Variants in LXN observed in about 807,000 individuals in gnomAD.
The protein encoded by LXN is latexin.
In LXN, 28 loss-of-function variants were observed where a neutral mutation model predicts 29.8. That is an observed-to-expected ratio of 0.94 (90% CI 0.70 to 1.29). The LOEUF is 1.29. Among genes scored for constraint, LXN ranks in the 50% most tolerant of loss-of-function variants. The pLI is 0.00. For missense variants in LXN, 227 were observed against 261.7 expected (o/e 0.87, Z 0.92); for synonymous variants, 77 against 89.6 (o/e 0.86, Z 0.80).
At position 158,672,607 on chromosome 3, in the gene LXN, G is replaced by A; in HGVS notation, c.-129C>T. The A allele has an allele frequency of 9.2e-7, 1 of 1,084,590 alleles. No individual in the cohort carries two copies. Among genetic ancestry groups the A allele is most frequent in the Non-Finnish European group, 1.3e-6 (1 of 754,302 alleles). 67.2% of individuals were successfully genotyped at this position (1,084,590 alleles called of 1,614,324 possible). A position where few individuals can be genotyped will look rare whatever the true frequency, so the allele number is the denominator to read the frequency against. On this transcript the variant is annotated 5_prime_UTR_variant, in exon 1 of 6. Coordinates refer to ENST00000264265, the MANE Select transcript of LXN (RefSeq NM_020169.4). ...GAAAAGTCGCAAGCTCCTTCAGTCA[G>A]TCTTCTTCCTCAGCTCCTTCCGACT...
rs369363639 is a variant in LXN at position 158,672,510 on chromosome 3, T to C, written c.-32A>G. 4 of 1,612,294 alleles carry C rather than the reference T, an allele frequency of 2.5e-6. No individual in the cohort carries two copies. The highest frequency in any genetic ancestry group is 1.7e-5 in the Admixed American group (1 of 59,972). On this transcript the variant is annotated 5_prime_UTR_variant, in exon 1 of 6. Transcript: ENST00000264265. ...TGAGCAGTGACTTCAGGGCTTGGGC[T>C]ACTCTGGCTTAACGGGACCAGTAGC...
At chr3:158,671,319 ATAAGAAAG>A (rs1724281252) in intron 1 of LXN, among the ~76,000 whole-genome samples, 1 of 152,258 alleles carries the variant, frequency 6.6e-6, no homozygotes, top group Admixed American at 6.5e-5. Context: ...AAGTCTCTAC[ATAAGAAAG>A]TTTGAAACAG....
In LXN at chr3:158,668,221, G is replaced by A. The variant is rs552418187; in HGVS notation, c.507+775C>T. 5.9e-5 allele frequency among the ~76,000 whole-genome samples: 9 copies of A among 152,206 alleles called. No individual in the cohort carries two copies. In the East Asian group the frequency reaches 1.3e-3, roughly 23 times the overall value. On this transcript the variant is annotated intron_variant, in intron 4 of 5. Coordinates refer to ENST00000264265, the MANE Select transcript of LXN (RefSeq NM_020169.4). ...TGACATAAAACAGTGTAGTATTTGC[G>A]TATAACCTATGCATACCTTCTCATA...
chr3:158,668,702 A>G (rs1308334392), intron 4 of LXN, among the ~76,000 whole-genome samples: 1 of 152,212 alleles, frequency 6.6e-6, no homozygotes, highest in East Asian at 1.9e-4. Context: ...CTATGTTCCC[A>G]GAGCATGCAA....
At chr3:158,671,247 T>C (rs1357263025) in intron 1 of LXN, among the ~76,000 whole-genome samples, 1 of 152,222 alleles carries the variant, frequency 6.6e-6, no homozygotes, top group Middle Eastern at 3.2e-3. Context: ...AGCATACAAA[T>C]TGGGCACAAT....
At chr3:158,672,259 G>A (rs967107257) in intron 1 of LXN, 91 bp downstream of exon 1, 4 of 1,510,910 alleles carry the variant, frequency 2.6e-6, no homozygotes, top group Non-Finnish European at 3.6e-6. Context: ...GGGTGGCACG[G>A]AGTGTCTGCA....
chr3:158,669,754 A>G (rs1445383256), intron 2 of LXN, 144 bp from the exon 3 acceptor site: 2 of 738,000 alleles, frequency 2.7e-6, no homozygotes, highest in African/African-American at 3.6e-5. Context: ...GAGGTATCTA[A>G]TTGGGCCTGG....
At chr3:158,672,270 C>A (rs1724398857) in intron 1 of LXN, 80 bp downstream of exon 1, 1 of 1,572,178 alleles carries the variant, frequency 6.4e-7, no homozygotes, top group African/African-American at 1.3e-5. Context: ...AGTGTCTGCA[C>A]CCAAAGGCTG....
chr3:158,668,612 A>G (rs1560137103), intron 4 of LXN, among the ~76,000 whole-genome samples: 1 of 152,244 alleles, frequency 6.6e-6, no homozygotes, highest in Non-Finnish European at 1.5e-5. Flanking sequence ...TTGAAAGTGC[A>G]GTCTAGATAC....
At chr3:158,670,492 C>CT (rs1179853925) in intron 2 of LXN, among the ~76,000 whole-genome samples, 1 of 152,106 alleles carries the variant, frequency 6.6e-6, no homozygotes, top group Non-Finnish European at 1.5e-5. Flanking sequence ...AGTGTATAGT[C>CT]TTTTTTTGTG....
intron 3 of LXN, 93 bp from the exon 4 acceptor site, chr3:158,669,225 G>A (rs972883154): frequency 3.0e-6 from 4 of 1,354,912 alleles, no homozygotes; most frequent in Non-Finnish European, 4.0e-6. Context: ...AGTTTCCTTC[G>A]AATGTTGTGC....
In LXN at chr3:158,672,597, C is replaced by T. The variant is rs1033670920; in HGVS notation, c.-119G>A. ...TGCCGAGGCGGAAAAGTCGCAAGCTCCTTCAGTCAGTCTTCTTCCTCAGCT... is the reference window on the plus strand; with the variant it reads ...TGCCGAGGCGGAAAAGTCGCAAGCTTCTTCAGTCAGTCTTCTTCCTCAGCT... On this transcript the variant is annotated 5_prime_UTR_variant, in exon 1 of 6. Coordinates refer to ENST00000264265, the MANE Select transcript of LXN (RefSeq NM_020169.4). The T allele has an allele frequency of 7.9e-7, 1 of 1,259,464 alleles. No homozygotes were observed. The highest frequency in any genetic ancestry group is 1.5e-5 in the African/African-American group (1 of 67,808). 78.0% of individuals were successfully genotyped at this position (1,259,464 alleles called of 1,614,324 possible).
intron 4 of LXN, 139 bp from the exon 5 acceptor site, chr3:158,667,213 C>T: frequency 3.1e-6 from 3 of 958,244 alleles, no homozygotes; most frequent in Non-Finnish European, 4.4e-6. Context: ...GTCATAATTT[C>T]AATTTAATGT....
intron 1 of LXN, among the ~76,000 whole-genome samples, chr3:158,671,467 T>C (rs919397169): frequency 6.6e-6 from 1 of 152,240 alleles, no homozygotes; most frequent in African/African-American, 2.4e-5. Context: ...AATTGGAGAC[T>C]TAATACAATT....
Position 158,666,900 on chromosome 3 carries a change from T to C in LXN, c.570+112A>G, listed in dbSNP as rs1723747355. On this transcript the variant is annotated intron_variant, in intron 5 of 5. Transcript: ENST00000264265. ...ATAATATACTTAAATCTGGTGCCTA[T>C]CTGGATTTACATGAATTCTGATTTA... 4.7e-6 allele frequency: 7 copies of C among 1,494,914 alleles called. No homozygotes were observed. The South Asian group carries it at 8.9e-5, about 19-fold the overall frequency. The allele number at this position is 1,494,914 out of a possible 1,614,324, so 92.6% of individuals were successfully genotyped here.
chr3:158,668,007 G>C (rs17630394), intron 4 of LXN, among the ~76,000 whole-genome samples: 15,831 of 152,118 alleles, frequency 0.1, 1,056 homozygotes, highest in South Asian at 0.21. Flanking sequence ...CTAAATGTTG[G>C]ATTATAACTC....
At chr3:158,669,700 C>T (rs1350473214) in intron 2 of LXN, 90 bp from the exon 3 acceptor site, 1 of 1,223,904 alleles carries the variant, frequency 8.2e-7, no homozygotes, top group Non-Finnish European at 1.2e-6. Context: ...GCATAGGCTC[C>T]TAATGGTGTT....
intron 4 of LXN, 27 bp downstream of exon 4, chr3:158,668,969 A>G (rs749446738): frequency 1.3e-6 from 2 of 1,556,236 alleles, no homozygotes; most frequent in Non-Finnish European, 1.8e-6. Context: ...AACCCCATTA[A>G]TAGTGTATTT....
Position 158,666,676 on chromosome 3 carries a change from G to T in LXN, c.639C>A (p.Ser213Arg), listed in dbSNP as rs896395610. 2.5e-6 allele frequency: 4 copies of T among 1,613,768 alleles called. No individual in the cohort carries two copies. The African/African-American group carries it at 5.3e-5, about 22-fold the overall frequency. ...PQYGTKVKHN[S>R]RLPKEVQLE ...CCAGTTGTACTTCCTTTGGCAGACG[G>T]CTATTATGTTTTACTTTAGTGCCGT... The change falls in exon 6 of 6, where the codon AGC becomes AGA. Residue 213 changes from serine to arginine, a missense_variant. Transcript: ENST00000264265.
Sources: gnomAD v4.1 joint callset for allele counts (sites outside exome capture counted in the v4.1 genomes callset) on GRCh38, gnomAD v4.1.1 for gene constraint, MANE v1.5 for transcripts, NCBI Gene and HGNC (gene_info 2026-07-23, HGNC 2026-07-21) for gene names.